Variants in FLVCR2 observed in about 807,000 individuals in gnomAD.
FLVCR2 encodes choline/ethanolamine transporter FLVCR2.
A neutral mutation model predicts 48.9 loss-of-function variants in FLVCR2; 38 were observed. The observed-to-expected ratio is 0.78, with a 90% confidence interval of 0.60 to 1.02. The LOEUF (loss-of-function observed/expected upper bound fraction) is 1.02. Ranked by LOEUF, FLVCR2 falls within the 50% of genes least tolerant of loss-of-function variation. The probability of loss-of-function intolerance (pLI) is 0.00; values close to 1 mark genes in which losing one functional copy is unlikely to be tolerated. For synonymous variants in FLVCR2, 255 were observed against 257.0 expected, an observed-to-expected ratio of 0.99 and a Z score of 0.07; for missense variants, 664 against 663.3, an observed-to-expected ratio of 1.00 and a Z score of -0.01.
chr14:75,584,762 GA>G (rs1312083601), intron 1 of FLVCR2, among the ~76,000 whole-genome samples: 4 of 152,226 alleles, frequency 2.6e-5, no homozygotes, highest in African/African-American at 9.6e-5. Flanking sequence ...GGAGAGGGTA[GA>G]AGTCAGGATG....
chr14:75,609,915 T>A, intron 1 of FLVCR2, among the ~76,000 whole-genome samples: 1 of 142,950 alleles, frequency 7.0e-6, no homozygotes, highest in Non-Finnish European at 1.5e-5. Context: ...AGATGGGGGG[T>A]TAGTGTTAAG....
At chr14:75,629,339 G>T (rs931444790) in intron 3 of FLVCR2, among the ~76,000 whole-genome samples, 3 of 152,036 alleles carry the variant, frequency 2.0e-5, no homozygotes, top group African/African-American at 7.2e-5. Flanking sequence ...TGGCAATTCA[G>T]TTTAGAGGGG....
rs1890095586 is a variant in FLVCR2, at chr14:75,633,545, AC to A, written c.953-78del. 183 of 1,069,034 alleles carry A rather than the reference AC, an allele frequency of 1.7e-4. 3 individuals carry two copies. The South Asian group carries it at 2.2e-3, about 13-fold the overall frequency. The allele number at this position is 1,069,034 out of a possible 1,614,324, so 66.2% of individuals were successfully genotyped here. On this transcript the variant is annotated intron_variant, in intron 3 of 9. Coordinates refer to ENST00000238667, the MANE Select transcript of FLVCR2 (RefSeq NM_017791.3). ...GGCAGTGAGATGAGGATTTCTGCCC[AC>A]CCCCCAAATGCTGGGGGAGAAGTTA...
At chr14:75,605,338 A>G in intron 1 of FLVCR2, 1 of 813,674 alleles carries the variant, frequency 1.2e-6, no homozygotes, top group African/African-American at 1.7e-5. Context: ...ACCTAGCACC[A>G]TTCCCAAGTT....
chr14:75,608,832 AG>A (rs1189228409), intron 1 of FLVCR2, among the ~76,000 whole-genome samples: 1 of 152,110 alleles, frequency 6.6e-6, no homozygotes, highest in African/African-American at 2.4e-5. Context: ...CCCCACCAAA[AG>A]CCATGTCCTT....
At position 75,595,829 on chromosome 14, in the gene FLVCR2, A is replaced by C. The variant is rs1889005672; in HGVS notation, c.669+16188A>C. Reference sequence around the variant, plus strand: ...TTTACTCCTTCAGCTTTTTGCCAGCACCAACATTGGCCTTTGCAGTCCCCC... The same window carrying C: ...TTTACTCCTTCAGCTTTTTGCCAGCCCCAACATTGGCCTTTGCAGTCCCCC... On this transcript the variant is annotated intron_variant, in intron 1 of 9. Coordinates refer to ENST00000238667, the MANE Select transcript of FLVCR2 (RefSeq NM_017791.3). 8 of 890,376 alleles carry C rather than the reference A, an allele frequency of 9.0e-6. No individual in the cohort carries two copies. The East Asian group carries it at 1.9e-4, about 21-fold the overall frequency. The allele number at this position is 890,376 out of a possible 1,614,324, so 55.2% of individuals were successfully genotyped here.
chr14:75,579,205 T>C lies in FLVCR2; in HGVS notation c.233T>C (p.Ile78Thr). 6.2e-7 allele frequency: 1 copy of C among 1,614,160 alleles called. No homozygotes were observed. Among genetic ancestry groups the C allele is most frequent in the Non-Finnish European group, 8.5e-7 (1 of 1,180,018 alleles). ...SSSGPEDLSVIKVSRRRWAVV... is the reference protein window; with the variant it reads ...SSSGPEDLSVTKVSRRRWAVV... ...TCGGGCCCTGAGGACCTCAGCGTGA[T>C]CAAGGTGAGCAGGCGCCGTTGGGCC... Residue 78 changes from isoleucine to threonine, a missense_variant, in exon 1 of 10, where the codon ATC becomes ACC. Coordinates refer to ENST00000238667, the MANE Select transcript of FLVCR2 (RefSeq NM_017791.3).
At chr14:75,634,341 G>A (rs552411762) in intron 4 of FLVCR2, among the ~76,000 whole-genome samples, 2 of 152,144 alleles carry the variant, frequency 1.3e-5, no homozygotes, top group Non-Finnish European at 2.9e-5. Flanking sequence ...GGGCTAGTAG[G>A]TTAATTTCAT....
chr14:75,585,344 A>G (rs150506116), intron 1 of FLVCR2, among the ~76,000 whole-genome samples: 1,766 of 152,290 alleles, frequency 0.012, 12 homozygotes, highest in Middle Eastern at 0.037. Flanking sequence ...CGAAAGTGCC[A>G]TTCTCTGGTC....
intron 1 of FLVCR2, among the ~76,000 whole-genome samples, chr14:75,617,826 T>C (rs187108552): frequency 1.1e-3 from 162 of 152,326 alleles, no homozygotes; most frequent in African/African-American, 3.8e-3. Context: ...AAATTACCTA[T>C]GCAGGAACCC....
At chr14:75,624,550 A>C (rs1889848658) in intron 2 of FLVCR2, 62 bp from the exon 3 acceptor site, 1 of 1,600,380 alleles carries the variant, frequency 6.2e-7, no homozygotes, top group African/African-American at 1.3e-5. Context: ...ATTCATGTGG[A>C]ACCAGCTCTT....
intron 1 of FLVCR2, chr14:75,595,997 G>A (rs769122595): frequency 1.4e-4 from 214 of 1,502,244 alleles, no homozygotes; most frequent in Admixed American, 1.5e-4. Flanking sequence ...TGCCAAAGCC[G>A]GTTGTCTTGC....
chr14:75,615,751 G>A (rs1889592718), intron 1 of FLVCR2, among the ~76,000 whole-genome samples: 1 of 151,984 alleles, frequency 6.6e-6, no homozygotes, highest in Non-Finnish European at 1.5e-5. Context: ...TGGGCGTCAT[G>A]GCTCATGCCT....
intron 1 of FLVCR2, among the ~76,000 whole-genome samples, chr14:75,614,223 G>A (rs1460640390): frequency 1.3e-5 from 2 of 152,172 alleles, no homozygotes; most frequent in African/African-American, 4.8e-5. Context: ...GCTTTTTAAA[G>A]TATCAAACTT....
intron 1 of FLVCR2, among the ~76,000 whole-genome samples, chr14:75,582,714 C>T (rs1231716459): frequency 6.6e-6 from 1 of 152,110 alleles, no homozygotes; most frequent in East Asian, 1.9e-4. Flanking sequence ...GTGGGGGCAG[C>T]TTCTAGGGCT....
At chr14:75,646,141 G>A (rs1890416156) in intron 9 of FLVCR2, among the ~76,000 whole-genome samples, 1 of 152,148 alleles carries the variant, frequency 6.6e-6, no homozygotes, top group African/African-American at 2.4e-5. Flanking sequence ...TGGATCATTT[G>A]TGGTGGCCTT....
At chr14:75,645,279 G>A (rs753281372) in intron 9 of FLVCR2, among the ~76,000 whole-genome samples, 2 of 152,164 alleles carry the variant, frequency 1.3e-5, no homozygotes, top group Non-Finnish European at 2.9e-5. Flanking sequence ...CTTGACATTG[G>A]CTTCTGTCTT....
At chr14:75,580,934 GTCT>G (rs1193888045) in intron 1 of FLVCR2, among the ~76,000 whole-genome samples, 5 of 152,162 alleles carry the variant, frequency 3.3e-5, no homozygotes, top group African/African-American at 7.2e-5. Flanking sequence ...TGACATTCCT[GTCT>G]TCTTATATTA....
intron 9 of FLVCR2, among the ~76,000 whole-genome samples, chr14:75,646,191 C>T (rs1394267202): frequency 1.3e-5 from 2 of 152,084 alleles, no homozygotes; most frequent in Admixed American, 6.5e-5. Flanking sequence ...CTCTGATGAC[C>T]TCATGATGTT....
Sources: allele counts gnomAD v4.1 joint callset (sites outside exome capture counted in the v4.1 genomes callset), GRCh38; gene constraint gnomAD v4.1.1; transcripts MANE v1.5; gene names NCBI Gene and HGNC (gene_info 2026-07-23, HGNC 2026-07-21).